The following PPARGC1A variants were observed in gnomAD, a reference collection of about 807,000 sequenced individuals.
PPARGC1A encodes peroxisome proliferator-activated receptor gamma coactivator 1-alpha.
A neutral mutation model predicts 88.7 loss-of-function variants in PPARGC1A; 25 were observed. The ratio of observed to expected loss-of-function variants is 0.28; its 90% CI spans 0.21 to 0.39. PPARGC1A has a LOEUF of 0.39. PPARGC1A is among the 10% of genes least tolerant of loss of function. The pLI, the probability that PPARGC1A is intolerant of heterozygous loss-of-function variation, is 1.00. For missense variants in PPARGC1A, 880 were observed against 968.7 expected (o/e 0.91, Z 1.22); for synonymous variants, 363 against 355.6 (o/e 1.02, Z -0.24).
the PPARGC1A span, among the ~76,000 whole-genome samples, chr4:24,103,350 G>T: frequency 6.6e-6 from 1 of 151,954 alleles, no homozygotes; most frequent in Admixed American, 6.6e-5. Context: ...TCACTTCAGG[G>T]ACTTCTGCAA....
chr4:23,975,156 G>A, the PPARGC1A span, among the ~76,000 whole-genome samples: 1 of 152,046 alleles, frequency 6.6e-6, no homozygotes, highest in African/African-American at 2.4e-5. Context: ...TTCTTTATCT[G>A]TAAAATGGGG....
chr4:23,820,344 T>C (rs987997259), intron 7 of PPARGC1A: 1 of 153,406 alleles, frequency 6.5e-6, no homozygotes, highest in African/African-American at 2.4e-5. Context: ...AGTTATAAAA[T>C]AGTTCTACTG....
the PPARGC1A span, among the ~76,000 whole-genome samples, chr4:24,360,904 C>T: frequency 6.6e-6 from 1 of 152,290 alleles, no homozygotes; most frequent in South Asian, 2.1e-4. Context: ...ATCGAGTACA[C>T]AGTGTCTAGT....
At chr4:24,317,555 TAAAAAAAAAAAAAAAAA>T in the PPARGC1A span, among the ~76,000 whole-genome samples, 188 of 22,222 alleles carry the variant, frequency 8.5e-3, 1 homozygote, top group South Asian at 0.017. Flanking sequence ...TTCAGAGGAC[TAAAAAAAAAAAAAAAAA>T]AAAAAAAAAA....
At chr4:24,174,226 G>A in the PPARGC1A span, among the ~76,000 whole-genome samples, 129 of 152,246 alleles carry the variant, frequency 8.5e-4, no homozygotes, top group African/African-American at 3.1e-3. Context: ...AGCATTCTAG[G>A]TGACGGAAAG....
the PPARGC1A span, among the ~76,000 whole-genome samples, chr4:24,307,827 T>C: frequency 6.6e-6 from 1 of 152,166 alleles, no homozygotes; most frequent in Non-Finnish European, 1.5e-5. Context: ...CCTGCCCTGC[T>C]TTTTAAATGA....
chr4:24,151,488 A>G, the PPARGC1A span, among the ~76,000 whole-genome samples: 19 of 152,162 alleles, frequency 1.2e-4, no homozygotes, highest in Non-Finnish European at 2.9e-5. Flanking sequence ...TCCATTTACC[A>G]TCACACCGGG....
the PPARGC1A span, among the ~76,000 whole-genome samples, chr4:24,060,336 G>T: frequency 6.6e-6 from 1 of 152,094 alleles, no homozygotes; most frequent in Admixed American, 6.5e-5. Context: ...AATATACCCC[G>T]TTAAACAATA....
chr4:24,447,620 T>C, the PPARGC1A span, among the ~76,000 whole-genome samples: 1 of 152,194 alleles, frequency 6.6e-6, no homozygotes, highest in African/African-American at 2.4e-5. Context: ...TCGTCATGCA[T>C]CTGCTGTCCA....
chr4:24,004,437 G>C, the PPARGC1A span, among the ~76,000 whole-genome samples: 1 of 152,152 alleles, frequency 6.6e-6, no homozygotes, highest in Non-Finnish European at 1.5e-5. Flanking sequence ...CCCAATTACT[G>C]ACTTTCTGCA....
At chr4:23,942,391 G>A in the PPARGC1A span, among the ~76,000 whole-genome samples, 42 of 152,288 alleles carry the variant, frequency 2.8e-4, 2 homozygotes, top group South Asian at 8.3e-3. Flanking sequence ...AGGTTAAACA[G>A]AACTAGTGGA....
chr4:23,910,107 G>A, the PPARGC1A span, among the ~76,000 whole-genome samples: 1 of 130,896 alleles, frequency 7.6e-6, no homozygotes, highest in East Asian at 2.2e-4. Context: ...ACATATATAT[G>A]TATATGTGTG....
chr4:24,393,761 G>T, the PPARGC1A span, among the ~76,000 whole-genome samples: 1 of 152,136 alleles, frequency 6.6e-6, no homozygotes, highest in African/African-American at 2.4e-5. Context: ...TTTGCTTAAC[G>T]TTCTTTTTAA....
the PPARGC1A span, among the ~76,000 whole-genome samples, chr4:24,286,276 C>T: frequency 4.6e-5 from 7 of 152,192 alleles, no homozygotes; most frequent in African/African-American, 1.4e-4. Flanking sequence ...GGCTTCTACT[C>T]ACAGAGGGAA....
the PPARGC1A span, among the ~76,000 whole-genome samples, chr4:24,181,542 A>G: frequency 6.6e-6 from 1 of 152,202 alleles, no homozygotes. Context: ...TGTCAATATG[A>G]GAGGTCTGTA....
the PPARGC1A span, among the ~76,000 whole-genome samples, chr4:24,092,816 G>C: frequency 6.6e-6 from 1 of 152,156 alleles, no homozygotes; most frequent in Admixed American, 6.6e-5. Flanking sequence ...AATATTGTTA[G>C]GTTCTTCAGA....
the PPARGC1A span, among the ~76,000 whole-genome samples, chr4:23,931,639 G>A: frequency 1.3e-5 from 2 of 152,132 alleles, no homozygotes; most frequent in Non-Finnish European, 2.9e-5. Flanking sequence ...ACATTTATTG[G>A]CAGTGTGCCT....
chr4:24,188,270 T>G, the PPARGC1A span, among the ~76,000 whole-genome samples: 4 of 152,120 alleles, frequency 2.6e-5, no homozygotes, highest in Admixed American at 2.6e-4. Flanking sequence ...TCCTATATTC[T>G]AAGGCTACCT....
At chr4:24,234,433 G>C in the PPARGC1A span, among the ~76,000 whole-genome samples, 1 of 152,178 alleles carries the variant, frequency 6.6e-6, no homozygotes, top group African/African-American at 2.4e-5. Flanking sequence ...CAGGCATGAG[G>C]TCAATGCTGT....
Sources: allele counts gnomAD v4.1 joint callset (sites outside exome capture counted in the v4.1 genomes callset), GRCh38; gene constraint gnomAD v4.1.1; transcripts MANE v1.5; gene names NCBI Gene and HGNC (gene_info 2026-07-23, HGNC 2026-07-21).